The following FMN2 variants were observed in gnomAD, a reference collection of about 807,000 sequenced individuals.
The protein encoded by FMN2 is formin-2.
Under a neutral mutation model 142.3 loss-of-function variants are expected in FMN2, and 51 were observed. That is an observed-to-expected ratio of 0.36 (90% CI 0.29 to 0.45). The LOEUF (loss-of-function observed/expected upper bound fraction) is 0.45. Ranked by LOEUF, FMN2 falls within the 20% of genes least tolerant of loss-of-function variation. FMN2 has a pLI of 1.00. For synonymous variants in FMN2, 882 were observed against 869.8 expected (o/e 1.01, Z -0.25); for missense variants, 1,936 against 2,122.8 (o/e 0.91, Z 1.73).
rs577434432 is a variant in FMN2 at position 240,158,716 on chromosome 1, T to G, written c.1783-19205T>G. Among the ~76,000 whole-genome samples, 9 of 152,328 alleles carry G rather than the reference T, an allele frequency of 5.9e-5. No homozygotes were observed. The South Asian group carries it at 1.4e-3, about 25-fold the overall frequency. On this transcript the variant is annotated intron_variant, in intron 2 of 17. Coordinates refer to ENST00000319653, the MANE Select transcript of FMN2 (RefSeq NM_020066.5). ...ACCAGTCCTGCATTTTGTGTCGAAC[T>G]GATTAATAATTTTCTTCTGAACCCC...
Position 240,291,800 on chromosome 1 carries a change from C to T in FMN2, c.4154-3022C>T, listed in dbSNP as rs531397277. On this transcript the variant is annotated intron_variant, in intron 7 of 17. Coordinates refer to ENST00000319653, the MANE Select transcript of FMN2 (RefSeq NM_020066.5). ...AACACAAATTGAAAAAAAGTCAACT[C>T]GTTTAACCTTGGGCTTCATAGCAAG... Among the ~76,000 whole-genome samples the T allele has an allele frequency of 5.3e-5, 8 of 152,082 alleles. No individual in the cohort carries two copies. In the East Asian group the frequency reaches 1.2e-3, roughly 22 times the overall value.
intron 7 of FMN2, among the ~76,000 whole-genome samples, chr1:240,274,399 T>A (rs987067393): frequency 5.9e-5 from 9 of 151,778 alleles, no homozygotes; most frequent in Non-Finnish European, 1.3e-4. Context: ...GATCCTGGGG[T>A]GACTGAAGGA....
chr1:240,270,284 G>A (rs1225882469), intron 7 of FMN2, among the ~76,000 whole-genome samples: 1 of 152,088 alleles, frequency 6.6e-6, no homozygotes, highest in African/African-American at 2.4e-5. Flanking sequence ...CTTCCATACT[G>A]TTGGTGGAAT....
chr1:240,425,337 G>C (rs936038024), intron 15 of FMN2, among the ~76,000 whole-genome samples: 2 of 152,054 alleles, frequency 1.3e-5, no homozygotes, highest in African/African-American at 4.8e-5. Flanking sequence ...GCGAAAACTC[G>C]GTAGGTAAAG....
intron 2 of FMN2, among the ~76,000 whole-genome samples, chr1:240,149,490 AT>A (rs765252940): frequency 1.1e-4 from 17 of 152,208 alleles, no homozygotes; most frequent in African/African-American, 3.9e-4. Flanking sequence ...TGCAGTGTTG[AT>A]TTTTATTTTC....
intron 14 of FMN2, among the ~76,000 whole-genome samples, chr1:240,361,141 GTATATATATA>G (rs202070560): frequency 0.094 from 4,019 of 42,660 alleles, 133 homozygotes; most frequent in Non-Finnish European, 0.11. Context: ...AAATATATGT[GTATATATATA>G]TATATATATA....
At chr1:240,104,336 G>T (rs1165345403) in intron 1 of FMN2, among the ~76,000 whole-genome samples, 6 of 151,844 alleles carry the variant, frequency 4.0e-5, no homozygotes, top group African/African-American at 1.2e-4. Flanking sequence ...TCATTTTTCA[G>T]ATAGCTCATG....
At chr1:240,194,947 AT>A (rs3047199) in intron 4 of FMN2, among the ~76,000 whole-genome samples, 34,940 of 151,408 alleles carry the variant, frequency 0.23, 4,205 homozygotes, top group Middle Eastern at 0.35. Flanking sequence ...CTATCTCTAC[AT>A]TTTTTTTTTG....
intron 7 of FMN2, among the ~76,000 whole-genome samples, chr1:240,262,743 A>G (rs1329127526): frequency 6.6e-6 from 1 of 151,382 alleles, no homozygotes; most frequent in Non-Finnish European, 1.5e-5. Flanking sequence ...TAACAAATGT[A>G]AAGTGAAAAC....
At chr1:240,365,842 CT>C (rs1163735321) in intron 14 of FMN2, among the ~76,000 whole-genome samples, 17 of 152,228 alleles carry the variant, frequency 1.1e-4, no homozygotes, top group Non-Finnish European at 2.4e-4. Flanking sequence ...CCTTAATGAA[CT>C]TTACTTAACA....
In FMN2 at chr1:240,190,858, T is replaced by C. The variant is rs559468540; in HGVS notation, c.1986+2596T>C. On this transcript the variant is annotated intron_variant, in intron 4 of 17. Transcript: ENST00000319653. The stretch of plus-strand genomic sequence containing the variant: ...TCACTTATACATTTTGAAGTTTTAC[T>C]AGAACTTTGATGTGCTAAGTTGTGT... Among the ~76,000 whole-genome samples the C allele has an allele frequency of 7.9e-5, 12 of 152,362 alleles. No homozygotes were observed. The South Asian group carries it at 2.3e-3, about 29-fold the overall frequency.
intron 15 of FMN2, among the ~76,000 whole-genome samples, chr1:240,399,993 A>G (rs1673918379): frequency 6.6e-6 from 1 of 152,210 alleles, no homozygotes; most frequent in African/African-American, 2.4e-5. Context: ...GGAACAGAAC[A>G]TGAAGAATTT....
At chr1:240,142,802 C>A in intron 2 of FMN2, 1 of 1,587,200 alleles carries the variant, frequency 6.3e-7, no homozygotes, top group Non-Finnish European at 8.6e-7. Flanking sequence ...GTGTCTGGAA[C>A]CCTGTGATGG....
intron 6 of FMN2, among the ~76,000 whole-genome samples, chr1:240,255,864 G>A (rs1158932753): frequency 6.6e-6 from 1 of 152,098 alleles, no homozygotes; most frequent in Non-Finnish European, 1.5e-5. Flanking sequence ...AGAAATTATA[G>A]GTTATAATGT....
chr1:240,177,625 A>G (rs1664973157), intron 2 of FMN2, among the ~76,000 whole-genome samples: 1 of 152,134 alleles, frequency 6.6e-6, no homozygotes, highest in African/African-American at 2.4e-5. Context: ...GGACTATCTG[A>G]TTTTATAATT....
intron 15 of FMN2, among the ~76,000 whole-genome samples, chr1:240,393,431 T>C (rs904689316): frequency 3.9e-5 from 6 of 152,136 alleles, no homozygotes; most frequent in Admixed American, 2.6e-4. Context: ...AGAAAAATAT[T>C]GTATGTTCTA....
At chr1:240,220,224 A>C (rs1667053419) in intron 6 of FMN2, among the ~76,000 whole-genome samples, 1 of 152,110 alleles carries the variant, frequency 6.6e-6, no homozygotes, top group Non-Finnish European at 1.5e-5. Context: ...TCATTCAAGA[A>C]AATCTCCTAA....
chr1:240,225,729 C>T (rs1327415737), intron 6 of FMN2, among the ~76,000 whole-genome samples: 7 of 151,936 alleles, frequency 4.6e-5, no homozygotes, highest in African/African-American at 1.5e-4. Flanking sequence ...TCAAAAGGAC[C>T]CAGATGTTAG....
In FMN2 at chr1:240,223,198, G is replaced by T. The variant is rs151171148; in HGVS notation, c.4065+11963G>T. ...TATTGAGAGCTTTTAGCATAAAGCG[G>T]TGCTGAATTTTATTGAAGGCCTTTT... is the stretch of plus-strand genomic sequence containing the variant. On this transcript the variant is annotated intron_variant, in intron 6 of 17. Coordinates refer to ENST00000319653, the MANE Select transcript of FMN2 (RefSeq NM_020066.5). 4.5e-3 allele frequency among the ~76,000 whole-genome samples: 679 copies of T among 152,220 alleles called. 5 individuals carry two copies. Among genetic ancestry groups the T allele is most frequent in the African/African-American group, 0.016 (664 of 41,536 alleles).
Sources: gnomAD v4.1 joint callset for allele counts (sites outside exome capture counted in the v4.1 genomes callset) on GRCh38, gnomAD v4.1.1 for gene constraint, MANE v1.5 for transcripts, NCBI Gene and HGNC (gene_info 2026-07-23, HGNC 2026-07-21) for gene names.